The following TMEM209 variants were observed in gnomAD, a reference collection of about 807,000 sequenced individuals.
TMEM209 encodes the protein transmembrane protein 209.
A neutral mutation model predicts 76.2 loss-of-function variants in TMEM209; 65 were observed. That is an observed-to-expected ratio of 0.85 (90% confidence interval 0.70 to 1.05). TMEM209 has a LOEUF of 1.05. Among genes scored for constraint, TMEM209 ranks in the 50% least tolerant of loss-of-function variants. TMEM209 has a pLI of 0.00. For synonymous variants in TMEM209, 239 were observed against 237.6 expected (o/e 1.01, Z -0.06); for missense variants, 623 against 685.5 (o/e 0.91, Z 1.02).
At chr7:130,172,765 G>A (rs748374455) in intron 13 of TMEM209, among the ~76,000 whole-genome samples, 12 of 151,900 alleles carry the variant, frequency 7.9e-5, no homozygotes, top group East Asian at 1.9e-4. Flanking sequence ...TTGGGAGGCC[G>A]AGGTGGGCAG....
At chr7:130,202,123 T>G in intron 4 of TMEM209, 32 bp from the exon 5 acceptor site, 1 of 1,562,796 alleles carries the variant, frequency 6.4e-7, no homozygotes, top group African/African-American at 1.4e-5. Flanking sequence ...CATATGTGTA[T>G]GTACCTTCAA....
chr7:130,176,198 C>T (rs922656233), intron 10 of TMEM209, among the ~76,000 whole-genome samples: 2 of 150,148 alleles, frequency 1.3e-5, no homozygotes, highest in African/African-American at 2.5e-5. Flanking sequence ...CTGCAAGCTC[C>T]GCCTCCCGGG....
intron 9 of TMEM209, among the ~76,000 whole-genome samples, chr7:130,180,375 CTT>C (rs965154542): frequency 6.7e-6 from 1 of 148,798 alleles, no homozygotes; most frequent in Non-Finnish European, 1.5e-5. Context: ...AAAGACATTT[CTT>C]TTTTTTTTGA....
rs1386399477 is a variant in TMEM209 at position 130,165,494 on chromosome 7, C to T, written c.*957G>A. ...AAAACCAAAGTAGTAAACAGTTTTC[C>T]TGATGTCCTCACACTCTTAACTAAA... On this transcript the variant is annotated 3_prime_UTR_variant, in exon 15 of 15. Coordinates refer to ENST00000397622, the MANE Select transcript of TMEM209 (RefSeq NM_032842.4). 6.6e-6 allele frequency: 1 copy of T among 152,050 alleles called. No homozygotes were observed. Among genetic ancestry groups the T allele is most frequent in the Non-Finnish European group, 1.5e-5 (1 of 68,010 alleles). The allele number at this position is 152,050 out of a possible 1,614,324, so 9.4% of individuals were successfully genotyped here. A position where few individuals can be genotyped will look rare whatever the true frequency, so the allele number is the denominator to read the frequency against.
chr7:130,202,002 T>C lies in TMEM209; in HGVS notation c.421A>G (p.Ser141Gly). 6.2e-7 allele frequency: 1 copy of C among 1,613,756 alleles called. No homozygotes were observed. Among genetic ancestry groups the C allele is most frequent in the Non-Finnish European group, 8.5e-7 (1 of 1,179,866 alleles). Residue 141 changes from serine to glycine, a missense_variant, in exon 5 of 15, where the codon AGT becomes GGT. Ser to Gly is a moderately conservative substitution (Grantham distance 56, BLOSUM62 0). Transcript: ENST00000397622. ...CTGGGCGAACGAGAAGGGCTATAAC[T>C]CAACACACTCTGACCCTGAATTGAA... ...SPSIQGQSVL[S>G]YSPSRSPSTS...
chr7:130,177,028 CAAAAAA>C (rs5887463), intron 10 of TMEM209, among the ~76,000 whole-genome samples: 2 of 117,544 alleles, frequency 1.7e-5, no homozygotes, highest in Admixed American at 9.0e-5. Context: ...AGCCGGGTCT[CAAAAAA>C]AAAAAAAAAA....
At chr7:130,170,081 A>G (rs893133725) in intron 14 of TMEM209, among the ~76,000 whole-genome samples, 5 of 152,192 alleles carry the variant, frequency 3.3e-5, no homozygotes, top group South Asian at 2.1e-4. Context: ...AATGGCTTGG[A>G]AAAAAACAGT....
chr7:130,191,019 A>G (rs1030745790), intron 6 of TMEM209, among the ~76,000 whole-genome samples: 12 of 152,144 alleles, frequency 7.9e-5, no homozygotes, highest in African/African-American at 2.7e-4. Context: ...AAATAACTAT[A>G]TAGTTTTAGA....
Position 130,202,072 on chromosome 7 carries a change from T to TGGAG in TMEM209, c.347_350dup (p.His118SerfsTer3). ...GGATTTGGGTTGCTGCCAGATCATG[T>TGGAG]GGAGGCGTAGTCTGTACAACTAGAA... On this transcript the variant is annotated frameshift_variant, in exon 5 of 15. Coordinates refer to ENST00000397622, the MANE Select transcript of TMEM209 (RefSeq NM_032842.4). LOFTEE classifies it high-confidence loss of function. 1 of 1,613,420 alleles carries TGGAG rather than the reference T, an allele frequency of 6.2e-7. No homozygotes were observed.
chr7:130,190,106 A>G (rs1348859043), intron 6 of TMEM209, among the ~76,000 whole-genome samples: 2 of 152,222 alleles, frequency 1.3e-5, no homozygotes, highest in African/African-American at 4.8e-5. Context: ...AATCGTCAAC[A>G]TAAGTGAATG....
At chr7:130,178,991 T>C (rs539444909) in intron 9 of TMEM209, among the ~76,000 whole-genome samples, 96 of 152,258 alleles carry the variant, frequency 6.3e-4, no homozygotes, top group African/African-American at 1.9e-3. Context: ...TCTCACTATA[T>C]TGCCTAGGCT....
Position 130,185,173 on chromosome 7 carries a change from A to G in TMEM209, c.951+19T>C. ...ATGCATAAATCATAAATATTAAGTC[A>G]CTTTTATTTTCCACTTACCTCTTCT... On this transcript the variant is annotated intron_variant, in intron 7 of 14. Transcript: ENST00000397622. 1 of 1,595,048 alleles carries G rather than the reference A, an allele frequency of 6.3e-7. No homozygotes were observed. The highest frequency in any genetic ancestry group is 8.5e-7 in the Non-Finnish European group (1 of 1,169,692).
intron 6 of TMEM209, among the ~76,000 whole-genome samples, chr7:130,189,075 TG>T (rs1409350351): frequency 7.2e-5 from 11 of 152,180 alleles, no homozygotes; most frequent in Non-Finnish European, 1.5e-5. Context: ...GATACCTGAT[TG>T]GATCCTGCAT....
At chr7:130,198,337 G>A (rs1436795852) in intron 5 of TMEM209, among the ~76,000 whole-genome samples, 1 of 151,190 alleles carries the variant, frequency 6.6e-6, no homozygotes, top group Admixed American at 6.6e-5. Context: ...TGGGTAGGGC[G>A]AGGTGGCTCA....
At chr7:130,204,690 T>G (rs1333935826) in intron 1 of TMEM209, among the ~76,000 whole-genome samples, 4 of 152,246 alleles carry the variant, frequency 2.6e-5, no homozygotes, top group Non-Finnish European at 5.9e-5. Context: ...TAAAAATGTC[T>G]TATTTTGTAA....
At chr7:130,182,518 A>C (rs1207055102) in intron 8 of TMEM209, among the ~76,000 whole-genome samples, 3 of 152,202 alleles carry the variant, frequency 2.0e-5, no homozygotes, top group Non-Finnish European at 2.9e-5. Context: ...AAAAACAGAG[A>C]CTTATTACAT....
rs146920414 is a variant in TMEM209, at chr7:130,179,919, T to C, written c.1121-1392A>G. Reference sequence around the variant, plus strand: ...AGGCTGAGGCTGTAGTGAGCCATAATAGCACCACTGCATTCCCTCTTGGGC... The same window carrying C: ...AGGCTGAGGCTGTAGTGAGCCATAACAGCACCACTGCATTCCCTCTTGGGC... On this transcript the variant is annotated intron_variant, in intron 9 of 14. Transcript: ENST00000397622. Among the ~76,000 whole-genome samples, 9 of 152,312 alleles carry C rather than the reference T, an allele frequency of 5.9e-5. No homozygotes were observed. The East Asian group carries it at 1.7e-3, about 29-fold the overall frequency.
At position 130,174,058 on chromosome 7, in the gene TMEM209, G is replaced by A. The variant is rs1256804392; in HGVS notation, c.1345-119C>T. 7.8e-6 allele frequency: 5 copies of A among 642,096 alleles called. No homozygotes were observed. In the East Asian group the frequency reaches 1.1e-4, roughly 14 times the overall value. 39.8% of individuals were successfully genotyped at this position (642,096 alleles called of 1,614,324 possible). On this transcript the variant is annotated intron_variant, in intron 11 of 14. Coordinates refer to ENST00000397622, the MANE Select transcript of TMEM209 (RefSeq NM_032842.4). ...AATTAAAAAATTTTTTCTCTGAAGA[G>A]TGAATTAGAAAAATGCTGTCAAATG...
intron 14 of TMEM209, among the ~76,000 whole-genome samples, chr7:130,169,738 C>A (rs1024348096): frequency 6.6e-6 from 1 of 151,994 alleles, no homozygotes; most frequent in African/African-American, 2.4e-5. Flanking sequence ...GCCCATCCCC[C>A]CTTTTTTTTT....
Sources: gnomAD v4.1 joint callset for allele counts (sites outside exome capture counted in the v4.1 genomes callset) on GRCh38, gnomAD v4.1.1 for gene constraint, MANE v1.5 for transcripts, NCBI Gene and HGNC (gene_info 2026-07-23, HGNC 2026-07-21) for gene names.